Variants in DNAAF4 observed in about 807,000 individuals in gnomAD.
DNAAF4 encodes the protein dynein axonemal assembly factor 4, also known as dynein assembly factor 4, axonemal.
DNAAF4 carries 43 observed loss-of-function variants against 51.8 expected under a neutral mutation model. The ratio of observed to expected loss-of-function variants is 0.83; its 90% confidence interval spans 0.65 to 1.07. The LOEUF (loss-of-function observed/expected upper bound fraction) is 1.07. Among genes scored for constraint, DNAAF4 ranks in the 50% least tolerant of loss-of-function variants. DNAAF4 has a pLI of 0.00. For synonymous variants in DNAAF4, 194 were observed against 165.6 expected (o/e 1.17, Z -1.32); for missense variants, 581 against 493.0 (o/e 1.18, Z -1.69).
At chr15:55,453,641 C>T (rs1272560742) in intron 5 of DNAAF4, among the ~76,000 whole-genome samples, 1 of 149,694 alleles carries the variant, frequency 6.7e-6, no homozygotes, top group Non-Finnish European at 1.5e-5. Flanking sequence ...AGCTCTGCCT[C>T]CCGGGTTCAC....
intron 6 of DNAAF4, chr15:55,443,386 G>A (rs1036518367): frequency 2.5e-5 from 16 of 649,142 alleles, no homozygotes; most frequent in Admixed American, 1.5e-4. Context: ...CCGTGGGGCC[G>A]CACTTGCTCT....
intron 4 of DNAAF4, among the ~76,000 whole-genome samples, chr15:55,471,514 C>CTT (rs559325274): frequency 3.5e-5 from 5 of 144,026 alleles, no homozygotes; most frequent in Non-Finnish European, 3.1e-5. Context: ...AAATGTTAAA[C>CTT]TTTTTTTTTT....
intron 8 of DNAAF4, among the ~76,000 whole-genome samples, chr15:55,432,964 CA>C (rs749845699): frequency 3.3e-5 from 5 of 150,140 alleles, no homozygotes; most frequent in Middle Eastern, 3.3e-3. Context: ...AAAACAAAAA[CA>C]AAAAACAAAC....
chr15:55,470,435 GCA>G (rs2058237644), intron 4 of DNAAF4, among the ~76,000 whole-genome samples: 1 of 152,118 alleles, frequency 6.6e-6, no homozygotes, highest in African/African-American at 2.4e-5. Context: ...CGGGGAAGGA[GCA>G]CAGAGTTTCC....
At chr15:55,449,751 T>C (rs971848708) in intron 6 of DNAAF4, among the ~76,000 whole-genome samples, 3 of 127,328 alleles carry the variant, frequency 2.4e-5, no homozygotes, top group East Asian at 2.6e-4. Flanking sequence ...CAGGCTGGAG[T>C]ACAATGGTGC....
At chr15:55,476,014 T>G (rs1015201695) in intron 4 of DNAAF4, among the ~76,000 whole-genome samples, 4 of 152,170 alleles carry the variant, frequency 2.6e-5, no homozygotes, top group African/African-American at 9.7e-5. Flanking sequence ...TGAAATGACA[T>G]GTTCAAAGTA....
intron 3 of DNAAF4, among the ~76,000 whole-genome samples, chr15:55,494,407 G>GTTTTTTA (rs1355593611): frequency 2.6e-5 from 4 of 151,776 alleles, no homozygotes; most frequent in Admixed American, 6.6e-5. Context: ...TAAATTAGTG[G>GTTTTTTA]TTTTTTATTT....
At chr15:55,473,367 G>GTATA (rs1304815779) in intron 4 of DNAAF4, among the ~76,000 whole-genome samples, 13 of 121,128 alleles carry the variant, frequency 1.1e-4, no homozygotes, top group Non-Finnish European at 1.6e-4. Context: ...ATATGTGTGT[G>GTATA]TGTATATATA....
chr15:55,433,874 A>T (rs2057545070), intron 8 of DNAAF4, among the ~76,000 whole-genome samples: 1 of 29,846 alleles, frequency 3.4e-5, no homozygotes, highest in Non-Finnish European at 5.9e-5. Context: ...TATTATATAT[A>T]TTACATATAT....
chr15:55,458,855 C>CGA (rs2058055447), intron 5 of DNAAF4, among the ~76,000 whole-genome samples: 1 of 151,954 alleles, frequency 6.6e-6, no homozygotes, highest in Non-Finnish European at 1.5e-5. Flanking sequence ...GGGTGGATCA[C>CGA]GAGGTCAGGA....
exon 8 of DNAAF4, chr15:55,418,107 T>C (rs1014751161): frequency 6.3e-7 from 1 of 1,585,936 alleles, no homozygotes; most frequent in Admixed American, 1.9e-5. Flanking sequence ...AGGCCTGACA[T>C]TCAATGCCCT....
At chr15:55,458,138 AC>A (rs2058046415) in intron 5 of DNAAF4, among the ~76,000 whole-genome samples, 1 of 152,094 alleles carries the variant, frequency 6.6e-6, no homozygotes, top group African/African-American at 2.4e-5. Context: ...GTTCTGTAAC[AC>A]CCCCAAAAGA....
rs1031970624 is a variant in DNAAF4, at chr15:55,498,210, C to G, written c.120G>C (p.Leu40=). Residue 40 remains leucine (L), a synonymous_variant, in exon 2 of 10, where the codon CTG becomes CTC. Transcript: ENST00000321149. The part of the protein sequence containing the change: ...DTDVFCTENY[L]KVNFPPFLFE... ...CAGGCAAGACTTGCATTCTTACCTT[C>G]AGATAGTTTTCCGTGCAGAACACGT... The G allele has an allele frequency of 3.7e-6, 6 of 1,613,928 alleles. No individual in the cohort carries two copies. In the African/African-American group the frequency reaches 8.0e-5, roughly 22 times the overall value.
In DNAAF4 at chr15:55,497,839, TA is replaced by T; in HGVS notation, c.143del (p.Leu48TyrfsTer10). 1 of 1,609,924 alleles carries T rather than the reference TA, an allele frequency of 6.2e-7. No homozygotes were observed. The highest frequency in any genetic ancestry group is 8.5e-7 in the Non-Finnish European group (1 of 1,178,526). On this transcript the variant is annotated frameshift_variant, in exon 3 of 10. Coordinates refer to ENST00000321149, the MANE Select transcript of DNAAF4 (RefSeq NM_130810.4). LOFTEE classifies it high-confidence loss of function. ...TGGGAGCATAAAGAAATGCCTCAAA[TA>T]AAAATGGAGGAAAGTTGACCTATGC... is the stretch of plus-strand genomic sequence containing the variant. ...NYLKVNFPPF[L>X]FEAFLYAPID... is the part of the protein sequence containing the mutation.
At chr15:55,419,724 C>T (rs1172865416) in intron 7 of DNAAF4, among the ~76,000 whole-genome samples, 3 of 152,074 alleles carry the variant, frequency 2.0e-5, no homozygotes, top group Non-Finnish European at 4.4e-5. Flanking sequence ...TGGCCGGGTG[C>T]GGTGGCTCAC....
In DNAAF4 at chr15:55,466,986, T is replaced by C; in HGVS notation, c.581A>G (p.Lys194Arg). 1.9e-6 allele frequency: 3 copies of C among 1,583,206 alleles called. No homozygotes were observed. In the South Asian group the frequency reaches 3.6e-5, roughly 19 times the overall value. The change falls in exon 5 of 10, where the codon AAA becomes AGA. Residue 194 changes from lysine (K) to arginine (R), a missense_variant. By Grantham distance (26) the Lys-to-Arg change is conservative (BLOSUM62 2). Transcript: ENST00000321149. The stretch of plus-strand genomic sequence containing the variant: ...TCTAGTAAGACTCTTATATTTTATT[T>C]TTTTTCTTTCTTCTTTAATTTGCTT... ...KEKQIKEERK[K>R]IKYKSLTRNL...
chr15:55,427,637 ACTT>A (rs200809075), downstream of DNAAF4, among the ~76,000 whole-genome samples: 196 of 149,788 alleles, frequency 1.3e-3, 3 homozygotes, highest in African/African-American at 4.6e-3. Flanking sequence ...CAGCAGTATG[ACTT>A]CTTTTTTTTT....
intron 5 of DNAAF4, among the ~76,000 whole-genome samples, chr15:55,459,507 C>T (rs1037136773): frequency 6.6e-6 from 1 of 152,042 alleles, no homozygotes; most frequent in African/African-American, 2.4e-5. Context: ...CATCTCAATA[C>T]TGATATTGAA....
chr15:55,466,832 A>G (rs2058177475), intron 5 of DNAAF4, 98 bp downstream of exon 5: 6 of 1,445,932 alleles, frequency 4.1e-6, no homozygotes, highest in Non-Finnish European at 4.7e-6. Context: ...GTGCCAAAAC[A>G]GTAACCTAAT....
Sources: gnomAD v4.1 joint callset for allele counts (sites outside exome capture counted in the v4.1 genomes callset) on GRCh38, gnomAD v4.1.1 for gene constraint, MANE v1.5 for transcripts, NCBI Gene and HGNC (gene_info 2026-07-23, HGNC 2026-07-21) for gene names.